PTPRD: variants seen among roughly 807,000 people sequenced by gnomAD.
PTPRD encodes the protein protein tyrosine phosphatase receptor type D, also known as receptor-type tyrosine-protein phosphatase delta.
PTPRD carries 34 observed loss-of-function variants against 214.5 expected under a neutral mutation model. That is an observed-to-expected ratio of 0.16 (90% CI 0.12 to 0.21). The LOEUF (loss-of-function observed/expected upper bound fraction) is 0.21. Among genes scored for constraint, PTPRD ranks in the 10% least tolerant of loss-of-function variants. The pLI, the probability that PTPRD is intolerant of heterozygous loss-of-function variation, is 1.00. For synonymous variants in PTPRD, 1,128 were observed against 845.7 expected (o/e 1.33, Z -5.79); for missense variants, 2,545 against 2,398.7 (o/e 1.06, Z -1.27).
At chr9:8,415,071 G>A (rs68173595) in intron 35 of PTPRD, among the ~76,000 whole-genome samples, 29,405 of 151,970 alleles carry the variant, frequency 0.19, 3,835 homozygotes, top group East Asian at 0.52. Flanking sequence ...AATTTCTGCA[G>A]TGCAATACCT....
In PTPRD at chr9:10,194,036, A is replaced by G. The variant is rs142207617; in HGVS notation, c.-545+146927T>C. 2.4e-3 allele frequency among the ~76,000 whole-genome samples: 369 copies of G among 152,164 alleles called. 1 individual carries two copies. Among genetic ancestry groups the G allele is most frequent in the African/African-American group, 8.5e-3 (352 of 41,536 alleles). On this transcript the variant is annotated intron_variant, in intron 3 of 45. Coordinates refer to ENST00000381196, the MANE Select transcript of PTPRD (RefSeq NM_002839.4). The stretch of plus-strand genomic sequence containing the variant: ...TTATGTTCACCTCTTTCTCCAAAGT[A>G]CTTCTAAAATAAATGATAACACCCA...
At chr9:9,240,830 C>T (rs140299525) in intron 9 of PTPRD, among the ~76,000 whole-genome samples, 12 of 152,174 alleles carry the variant, frequency 7.9e-5, no homozygotes, top group East Asian at 1.9e-4. Flanking sequence ...TTATCAATTT[C>T]GCTCATCAGG....
At chr9:8,756,134 A>C (rs938529408) in intron 11 of PTPRD, among the ~76,000 whole-genome samples, 1 of 152,198 alleles carries the variant, frequency 6.6e-6, no homozygotes, top group African/African-American at 2.4e-5. Flanking sequence ...GTGCAAACAA[A>C]GGAACCGAGA....
At chr9:9,256,107 C>T (rs1446688399) in intron 9 of PTPRD, among the ~76,000 whole-genome samples, 1 of 151,990 alleles carries the variant, frequency 6.6e-6, no homozygotes, top group East Asian at 2.0e-4. Flanking sequence ...AAGAAAAAAA[C>T]TAGGTCTGGA....
chr9:10,059,028 G>A (rs1388527177), intron 3 of PTPRD, among the ~76,000 whole-genome samples: 1 of 152,044 alleles, frequency 6.6e-6, no homozygotes, highest in African/African-American at 2.4e-5. Context: ...CTTTGAACAT[G>A]TATGTACATG....
intron 7 of PTPRD, among the ~76,000 whole-genome samples, chr9:9,701,272 T>C (rs2097496474): frequency 6.6e-6 from 1 of 152,148 alleles, no homozygotes; most frequent in Non-Finnish European, 1.5e-5. Context: ...ATGGTAGTTA[T>C]ATCTCATATA....
intron 3 of PTPRD, among the ~76,000 whole-genome samples, chr9:10,098,505 A>G (rs1352251943): frequency 6.6e-6 from 1 of 151,696 alleles, no homozygotes; most frequent in East Asian, 1.9e-4. Flanking sequence ...ATAATAAAAT[A>G]AAATAAAAAT....
chr9:9,231,953 T>C (rs923099403), intron 9 of PTPRD, among the ~76,000 whole-genome samples: 1 of 152,136 alleles, frequency 6.6e-6, no homozygotes, highest in Non-Finnish European at 1.5e-5. Context: ...AGGAAACTGG[T>C]GGCATAGAAT....
At chr9:9,649,508 GA>G (rs1192131369) in intron 7 of PTPRD, among the ~76,000 whole-genome samples, 1 of 151,976 alleles carries the variant, frequency 6.6e-6, no homozygotes, top group African/African-American at 2.4e-5. Flanking sequence ...CTTCTAAACA[GA>G]AAAACAAAAA....
At chr9:10,232,503 A>G (rs972864882) in intron 3 of PTPRD, among the ~76,000 whole-genome samples, 2 of 152,052 alleles carry the variant, frequency 1.3e-5, no homozygotes, top group South Asian at 2.1e-4. Context: ...CACTTCTACT[A>G]AATCGATTTG....
At chr9:10,604,887 T>C (rs1180420618) in intron 2 of PTPRD, among the ~76,000 whole-genome samples, 4 of 151,926 alleles carry the variant, frequency 2.6e-5, no homozygotes, top group Admixed American at 2.6e-4. Flanking sequence ...TAAAAGTTTT[T>C]TGAAGGTGAA....
intron 9 of PTPRD, among the ~76,000 whole-genome samples, chr9:9,349,261 A>G (rs905834326): frequency 6.6e-6 from 1 of 152,132 alleles, no homozygotes; most frequent in Non-Finnish European, 1.5e-5. Context: ...ACTTTTTAGC[A>G]TAGAACACTA....
At chr9:8,696,538 G>A (rs1018626570) in intron 12 of PTPRD, among the ~76,000 whole-genome samples, 8 of 152,272 alleles carry the variant, frequency 5.3e-5, no homozygotes, top group African/African-American at 1.7e-4. Context: ...GTAGAGGAGA[G>A]AGGTCCATTT....
intron 35 of PTPRD, among the ~76,000 whole-genome samples, chr9:8,433,797 T>G (rs974342602): frequency 6.6e-6 from 1 of 152,188 alleles, no homozygotes; most frequent in African/African-American, 2.4e-5. Flanking sequence ...TAATCTACTA[T>G]TGAAATAAAC....
chr9:9,232,378 T>C (rs954565655), intron 9 of PTPRD, among the ~76,000 whole-genome samples: 2 of 152,206 alleles, frequency 1.3e-5, no homozygotes, highest in African/African-American at 4.8e-5. Flanking sequence ...ACCATCATTA[T>C]AAAACATTTC....
chr9:9,929,311 C>A (rs1043131675), intron 5 of PTPRD, among the ~76,000 whole-genome samples: 5 of 152,182 alleles, frequency 3.3e-5, no homozygotes, highest in African/African-American at 1.2e-4. Context: ...ACTCAGTCAA[C>A]CTGGGCAGCC....
At chr9:9,126,485 A>G (rs182098229) in intron 10 of PTPRD, among the ~76,000 whole-genome samples, 1 of 152,356 alleles carries the variant, frequency 6.6e-6, no homozygotes, top group African/African-American at 2.4e-5. Flanking sequence ...AACTGATATA[A>G]ACAAGATTAA....
At chr9:9,739,030 T>C (rs2098352809) in intron 6 of PTPRD, among the ~76,000 whole-genome samples, 1 of 152,226 alleles carries the variant, frequency 6.6e-6, no homozygotes, top group Non-Finnish European at 1.5e-5. Context: ...AAAAATCATA[T>C]ATTAAAATTA....
rs547624392 is a variant in PTPRD, at chr9:9,274,432, T to C, written c.-202-91069A>G. On this transcript the variant is annotated intron_variant, in intron 9 of 45. Coordinates refer to ENST00000381196, the MANE Select transcript of PTPRD (RefSeq NM_002839.4). The stretch of plus-strand genomic sequence containing the variant: ...CTCAACCAATTATTATCAGACTATA[T>C]TGGAACAGATTATGCTACAACCAAG... Among the ~76,000 whole-genome samples, 35 of 151,464 alleles carry C rather than the reference T, an allele frequency of 2.3e-4. 1 individual carries two copies. The South Asian group carries it at 7.3e-3, about 31-fold the overall frequency.
Sources: allele counts gnomAD v4.1 joint callset (sites outside exome capture counted in the v4.1 genomes callset), GRCh38; gene constraint gnomAD v4.1.1; transcripts MANE v1.5; gene names NCBI Gene and HGNC (gene_info 2026-07-23, HGNC 2026-07-21).